Variants in ATP10B observed in about 807,000 individuals in gnomAD.
ATP10B encodes ATPase phospholipid transporting 10B (putative).
A neutral mutation model predicts 141.2 loss-of-function variants in ATP10B; 122 were observed. The observed-to-expected ratio is 0.86, with a 90% CI of 0.75 to 1.00. The LOEUF (loss-of-function observed/expected upper bound fraction) is 1.00, where lower values mean the gene tolerates loss of function less well. ATP10B is among the 50% of genes least tolerant of loss of function. The pLI, the probability that ATP10B is intolerant of heterozygous loss-of-function variation, is 0.00. For synonymous variants in ATP10B, 685 were observed against 692.0 expected (o/e 0.99, Z 0.16); for missense variants, 1,876 against 1,825.3 (o/e 1.03, Z -0.51).
intron 7 of ATP10B, among the ~76,000 whole-genome samples, chr5:160,649,500 C>T (rs1381980330): frequency 6.6e-6 from 1 of 152,154 alleles, no homozygotes; most frequent in Non-Finnish European, 1.5e-5. Context: ...ATTTCTCTGA[C>T]CTGCCTGGGT....
At chr5:160,850,749 C>T (rs1753754230) in intron 1 of ATP10B, among the ~76,000 whole-genome samples, 1 of 152,110 alleles carries the variant, frequency 6.6e-6, no homozygotes, top group Non-Finnish European at 1.5e-5. Flanking sequence ...TTAATCCACC[C>T]ATATGTGATG....
intron 1 of ATP10B, among the ~76,000 whole-genome samples, chr5:160,787,195 G>T (rs1329900576): frequency 1.3e-5 from 2 of 151,126 alleles, no homozygotes; most frequent in Non-Finnish European, 2.9e-5. Context: ...ACTTAAAAAG[G>T]GTAGATTTCA....
At chr5:160,869,025 G>T in the ATP10B span, among the ~76,000 whole-genome samples, 6 of 151,998 alleles carry the variant, frequency 3.9e-5, no homozygotes, top group Non-Finnish European at 7.4e-5. Context: ...CTGCCATCTT[G>T]GCTATTTGAC....
chr5:160,852,383 G>A (rs181060388), upstream of ATP10B, among the ~76,000 whole-genome samples: 58 of 152,184 alleles, frequency 3.8e-4, no homozygotes, highest in Non-Finnish European at 6.2e-4. Flanking sequence ...TATTCTCTAC[G>A]CATGGTACAA....
At chr5:160,818,322 A>G (rs940083865) in intron 1 of ATP10B, among the ~76,000 whole-genome samples, 24 of 152,238 alleles carry the variant, frequency 1.6e-4, no homozygotes, top group African/African-American at 5.5e-4. Context: ...AAACAACCCC[A>G]TCAAAAAGTG....
Position 160,617,852 on chromosome 5 carries a change from A to C in ATP10B, c.2526+12T>G. On this transcript the variant is annotated intron_variant, in intron 16 of 25. Coordinates refer to ENST00000327245, the MANE Select transcript of ATP10B (RefSeq NM_025153.3). Reference sequence around the variant, plus strand: ...ATGATATTCAAAGCACGCTTGGAGGAATTGTTCTTACCTTCTTGGCAATGC... The same window carrying C: ...ATGATATTCAAAGCACGCTTGGAGGCATTGTTCTTACCTTCTTGGCAATGC... The C allele has an allele frequency of 6.2e-7, 1 of 1,605,534 alleles. No homozygotes were observed.
intron 22 of ATP10B, among the ~76,000 whole-genome samples, chr5:160,596,386 C>A (rs1298120864): frequency 1.3e-5 from 2 of 148,542 alleles, no homozygotes; most frequent in Non-Finnish European, 3.0e-5. Flanking sequence ...ATTGATGGGA[C>A]GTATTTCAAA....
At chr5:160,887,713 T>C in the ATP10B span, among the ~76,000 whole-genome samples, 1 of 152,134 alleles carries the variant, frequency 6.6e-6, no homozygotes, top group Non-Finnish European at 1.5e-5. Context: ...CTCCTGAGGG[T>C]CTTTCAGTCA....
At chr5:160,919,094 C>T in the ATP10B span, among the ~76,000 whole-genome samples, 121 of 149,468 alleles carry the variant, frequency 8.1e-4, 1 homozygote, top group Non-Finnish European at 1.0e-3. Context: ...CATGGTGGCG[C>T]GCACCTGTAG....
chr5:160,854,570 C>A (rs1273680752), upstream of ATP10B, among the ~76,000 whole-genome samples: 3 of 152,066 alleles, frequency 2.0e-5, no homozygotes, highest in East Asian at 5.8e-4. Context: ...TCCAGTCTAT[C>A]ATTGATGGGC....
At chr5:160,922,879 C>A in the ATP10B span, among the ~76,000 whole-genome samples, 1 of 152,216 alleles carries the variant, frequency 6.6e-6, no homozygotes, top group East Asian at 1.9e-4. Context: ...GCTGTCCCCA[C>A]ATATAGCCCC....
Position 160,687,966 on chromosome 5 carries a change from T to G in ATP10B, c.109A>C (p.Arg37=). 6.2e-7 allele frequency: 1 copy of G among 1,614,124 alleles called. No homozygotes were observed. Among genetic ancestry groups the G allele is most frequent in the East Asian group, 2.2e-5 (1 of 44,880 alleles). ...TGCTGTGTCAAGTTGTAGCTCTGTC[T>G]CCCTTTCTCTGGAGAGAGCAGCGGT... ...TTPLLSPEKG[R]QSYNLTQQRV... Residue 37 remains arginine (R), a synonymous_variant, in exon 5 of 26, where the codon AGA becomes CGA. Transcript: ENST00000327245.
Position 160,670,482 on chromosome 5 carries a change from AC to A in ATP10B, c.655del (p.Val219Ter). 6.2e-7 allele frequency: 1 copy of A among 1,614,018 alleles called. No homozygotes were observed. The highest frequency in any genetic ancestry group is 8.5e-7 in the Non-Finnish European group (1 of 1,179,994). On this transcript the variant is annotated frameshift_variant, in exon 7 of 26. Coordinates refer to ENST00000327245, the MANE Select transcript of ATP10B (RefSeq NM_025153.3). LOFTEE classifies it high-confidence loss of function. ...GETNLKQRCV[V>X]KGFSQQEVQF... is the part of the protein sequence containing the mutation. ...CCCTACCTGCTGTGAGAAGCCCTTC[AC>A]GACACATCTTTGCTTGAGGTTTGTC...
At chr5:160,597,112 G>A (rs1178623492) in intron 22 of ATP10B, among the ~76,000 whole-genome samples, 1 of 152,194 alleles carries the variant, frequency 6.6e-6, no homozygotes, top group Non-Finnish European at 1.5e-5. Flanking sequence ...AAAGAACAAA[G>A]CTGGAGGCAC....
At chr5:160,653,018 TTATATATTTATATATTTATATTTATG>T (rs1761002166) in intron 7 of ATP10B, among the ~76,000 whole-genome samples, 2 of 109,152 alleles carry the variant, frequency 1.8e-5, no homozygotes, top group Non-Finnish European at 3.4e-5. Context: ...TATATTTATA[TTATATATTTATATATTTATATTTATG>T]TATATAATTA....
chr5:160,604,007 A>T lies in ATP10B; in HGVS notation c.3195T>A (p.Ala1065=). Residue 1065 remains alanine (A), a synonymous_variant, in exon 20 of 26, where the codon GCT becomes GCA. Coordinates refer to ENST00000327245, the MANE Select transcript of ATP10B (RefSeq NM_025153.3). ...DGANDVSMIQ[A]ADIGIGISGQ... Reference sequence around the variant, plus strand: ...CAGATATTCCAATTCCAATATCAGCAGCTTGAATCATGCTTACATCATTTG... The same window carrying T: ...CAGATATTCCAATTCCAATATCAGCTGCTTGAATCATGCTTACATCATTTG... 6.2e-7 allele frequency: 1 copy of T among 1,613,976 alleles called. No individual in the cohort carries two copies. Among genetic ancestry groups the T allele is most frequent in the African/African-American group, 1.3e-5 (1 of 75,054 alleles).
At chr5:160,894,257 A>C in the ATP10B span, among the ~76,000 whole-genome samples, 1 of 152,106 alleles carries the variant, frequency 6.6e-6, no homozygotes, top group African/African-American at 2.4e-5. Context: ...AACTCCTCCG[A>C]GCTAAAGCAG....
intron 8 of ATP10B, among the ~76,000 whole-genome samples, chr5:160,646,905 C>G (rs1760317321): frequency 6.6e-6 from 1 of 152,224 alleles, no homozygotes; most frequent in Admixed American, 6.5e-5. Flanking sequence ...TTTTGGACTA[C>G]ACAATTCTCT....
At chr5:160,878,287 A>G in the ATP10B span, among the ~76,000 whole-genome samples, 1 of 151,888 alleles carries the variant, frequency 6.6e-6, no homozygotes, top group Non-Finnish European at 1.5e-5. Flanking sequence ...TGGGGAAAGG[A>G]TTCCCTATTT....
Sources: allele counts gnomAD v4.1 joint callset (sites outside exome capture counted in the v4.1 genomes callset), GRCh38; gene constraint gnomAD v4.1.1; transcripts MANE v1.5; gene names NCBI Gene and HGNC (gene_info 2026-07-23, HGNC 2026-07-21).